Variants in IL10RB observed in about 807,000 individuals in gnomAD.
IL10RB encodes interleukin-10 receptor subunit beta.
In IL10RB, 30 loss-of-function variants were observed where a neutral mutation model predicts 38.7. That is an observed-to-expected ratio of 0.78 (90% CI 0.58 to 1.05). The LOEUF (loss-of-function observed/expected upper bound fraction) is 1.05. Among genes scored for constraint, IL10RB ranks in the 50% least tolerant of loss-of-function variants. IL10RB has a pLI of 0.00. For missense variants in IL10RB, 328 were observed against 397.1 expected, an observed-to-expected ratio of 0.83 and a Z score of 1.48; for synonymous variants, 142 against 145.9, an observed-to-expected ratio of 0.97 and a Z score of 0.19.
At chr21:33,284,630 G>A (rs1568908356) in intron 5 of IL10RB, among the ~76,000 whole-genome samples, 1 of 152,166 alleles carries the variant, frequency 6.6e-6, no homozygotes, top group Non-Finnish European at 1.5e-5. Context: ...GGTGGGAGGT[G>A]ACGGGATCAT....
At position 33,296,515 on chromosome 21, in the gene IL10RB, A is replaced by ATTT; in HGVS notation, c.*160_*162dup. ...CTGGACTTAGCCACCAGAGAGCTAC[A>ATTT]TTTTAAAGGCTGTCTTGGCAAAAAT... On this transcript the variant is annotated 3_prime_UTR_variant, in exon 7 of 7. Transcript: ENST00000290200. 1 of 755,534 alleles carries ATTT rather than the reference A, an allele frequency of 1.3e-6. No individual in the cohort carries two copies. Among genetic ancestry groups the ATTT allele is most frequent in the East Asian group, 2.7e-5 (1 of 37,450 alleles). The allele number at this position is 755,534 out of a possible 1,614,324, so 46.8% of individuals were successfully genotyped here.
chr21:33,300,003 C>T (rs1018700859), downstream of IL10RB, among the ~76,000 whole-genome samples: 1 of 152,178 alleles, frequency 6.6e-6, no homozygotes, highest in South Asian at 2.1e-4. Context: ...AGGAATGCAT[C>T]CTTCCCATGC....
chr21:33,300,351 G>T (rs1468080807), downstream of IL10RB, among the ~76,000 whole-genome samples: 1 of 151,252 alleles, frequency 6.6e-6, no homozygotes, highest in Non-Finnish European at 1.5e-5. Context: ...TGAGGCAGAA[G>T]AATTGTTTGA....
intron 1 of IL10RB, among the ~76,000 whole-genome samples, chr21:33,307,813 G>T (rs377078649): frequency 6.6e-6 from 1 of 151,896 alleles, no homozygotes; most frequent in East Asian, 1.9e-4. Flanking sequence ...ATAATATTTC[G>T]ATTCAATTCA....
chr21:33,291,065 C>T (rs1374526751), intron 6 of IL10RB, among the ~76,000 whole-genome samples: 1 of 152,138 alleles, frequency 6.6e-6, no homozygotes, highest in Non-Finnish European at 1.5e-5. Flanking sequence ...AGGCATCACC[C>T]AGTCTCTGCC....
intron 1 of IL10RB, among the ~76,000 whole-genome samples, chr21:33,267,462 TTTTC>T (rs752783125): frequency 9.2e-5 from 14 of 151,848 alleles, no homozygotes; most frequent in African/African-American, 1.4e-4. Flanking sequence ...TCAAATTTTC[TTTTC>T]TTTCTTTCTT....
chr21:33,296,341 A>C lies in IL10RB; in HGVS notation c.962A>C (p.Gln321Pro). The stretch of plus-strand genomic sequence containing the variant: ...TGCAGCCTCGGGACCCCGCCTGGGC[A>C]GGGGCCCCAAAGCTAGGCTCTGAGA... The part of the protein sequence containing the change: ...DSCSLGTPPG[Q>P]GPQS The change falls in exon 7 of 7, where the codon CAG becomes CCG. Residue 321 changes from glutamine to proline, a missense_variant. By Grantham distance (76) the Gln-to-Pro change is moderately conservative (BLOSUM62 -1). Coordinates refer to ENST00000290200, the MANE Select transcript of IL10RB (RefSeq NM_000628.5). 6.2e-7 allele frequency: 1 copy of C among 1,612,124 alleles called. No homozygotes were observed. Among genetic ancestry groups the C allele is most frequent in the Non-Finnish European group, 8.5e-7 (1 of 1,178,534 alleles).
chr21:33,285,714 T>G (rs1010643468), intron 5 of IL10RB, among the ~76,000 whole-genome samples: 1 of 152,192 alleles, frequency 6.6e-6, no homozygotes, highest in Non-Finnish European at 1.5e-5. Context: ...GATCCCTGTT[T>G]GAATGAGTCT....
Position 33,290,699 on chromosome 21 carries a change from G to A in IL10RB, c.804+2438G>A, listed in dbSNP as rs1055633446. On this transcript the variant is annotated intron_variant, in intron 6 of 6. Coordinates refer to ENST00000290200, the MANE Select transcript of IL10RB (RefSeq NM_000628.5). ...CACCAGGTGTCATCTCCAAGCTGGC[G>A]CCTCCCCTGCACTTTCAACAGGCCG... 7.2e-5 allele frequency among the ~76,000 whole-genome samples: 11 copies of A among 152,214 alleles called. No individual in the cohort carries two copies. In the South Asian group the frequency reaches 1.7e-3, roughly 23 times the overall value.
At chr21:33,280,141 C>A (rs939620957) in intron 4 of IL10RB, among the ~76,000 whole-genome samples, 2 of 152,172 alleles carry the variant, frequency 1.3e-5, no homozygotes, top group Admixed American at 1.3e-4. Context: ...CTTTCCCTCC[C>A]TGAAGGGCAG....
intron 1 of IL10RB, among the ~76,000 whole-genome samples, chr21:33,305,884 T>C (rs1045146762): frequency 3.3e-5 from 5 of 152,050 alleles, no homozygotes; most frequent in Non-Finnish European, 7.4e-5. Context: ...CAGGCTGGAG[T>C]GCAGTGGCAC....
rs530774025 is a variant in IL10RB at position 33,295,541 on chromosome 21, G to A, written c.805-643G>A. The stretch of plus-strand genomic sequence containing the variant: ...ACAAAAATTAGCCAGGCATGGTGGC[G>A]GGCACCTGTAGTCCCAGCTACTCAG... On this transcript the variant is annotated intron_variant, in intron 6 of 6. Transcript: ENST00000290200. Among the ~76,000 whole-genome samples the A allele has an allele frequency of 1.6e-4, 24 of 149,572 alleles. No individual in the cohort carries two copies. In the East Asian group the frequency reaches 4.8e-3, roughly 30 times the overall value.
chr21:33,273,127 C>T (rs550349434), intron 2 of IL10RB, among the ~76,000 whole-genome samples: 62 of 152,254 alleles, frequency 4.1e-4, no homozygotes, highest in African/African-American at 1.5e-3. Flanking sequence ...ATGGTGTAGC[C>T]TCGTATACAC....
chr21:33,304,894 G>GATT (rs908204401), intron 1 of IL10RB, among the ~76,000 whole-genome samples: 3 of 152,152 alleles, frequency 2.0e-5, no homozygotes, highest in African/African-American at 7.2e-5. Flanking sequence ...GTACTATCAA[G>GATT]ATAAGACATT....
chr21:33,296,676 C>A lies in IL10RB; in HGVS notation c.*319C>A. 2.3e-6 allele frequency: 1 copy of A among 442,212 alleles called. No homozygotes were observed. Among genetic ancestry groups the A allele is most frequent in the Non-Finnish European group, 4.4e-6 (1 of 225,872 alleles). 27.4% of individuals were successfully genotyped at this position (442,212 alleles called of 1,614,324 possible). On this transcript the variant is annotated 3_prime_UTR_variant, in exon 7 of 7. Transcript: ENST00000290200. ...TAATTGTGAGAAACAGGGCCGAGCACAGTGGCTCACGCCTGTAATACCAGC... is the reference window on the plus strand; with the variant it reads ...TAATTGTGAGAAACAGGGCCGAGCAAAGTGGCTCACGCCTGTAATACCAGC...
chr21:33,299,053 C>T (rs1448996671), downstream of IL10RB, among the ~76,000 whole-genome samples: 1 of 152,182 alleles, frequency 6.6e-6, no homozygotes, highest in African/African-American at 2.4e-5. Flanking sequence ...TCAAACACTG[C>T]CTCTTCAAGC....
chr21:33,285,501 A>G (rs2855250), intron 5 of IL10RB, among the ~76,000 whole-genome samples: 56,341 of 151,714 alleles, frequency 0.37, 11,190 homozygotes, highest in Non-Finnish European at 0.45. Context: ...TTCACAACCT[A>G]TGCAGAGCAG....
In IL10RB at chr21:33,283,202, G is replaced by T. The variant is rs752810741; in HGVS notation, c.607G>T (p.Glu203Ter). 8 of 1,614,114 alleles carry T rather than the reference G, an allele frequency of 5.0e-6. No homozygotes were observed. The highest frequency in any genetic ancestry group is 6.8e-6 in the Non-Finnish European group (8 of 1,180,028). Reference protein sequence around the residue: ...GFLPDRNKAGEWSEPVCEQTT... With the variant: ...GFLPDRNKAG ...TCTTCCTGATCGGAACAAAGCTGGG[G>T]AATGGAGTGAGCCTGTCTGTGAGCA... The change falls in exon 5 of 7, where the codon GAA becomes TAA. Residue 203 changes from glutamate (E) to a stop codon, truncating the protein, a stop_gained. Transcript: ENST00000290200. LOFTEE classifies it high-confidence loss of function.
Position 33,279,840 on chromosome 21 carries a change from C to T in IL10RB, c.420C>T (p.Tyr140=), listed in dbSNP as rs765588235. Reference sequence around the variant, plus strand: ...TAGCCCCTAAAATTGAGAATGAATACGAAACTTGGACTATGAAGAATGTGT... The same window carrying T: ...TAGCCCCTAAAATTGAGAATGAATATGAAACTTGGACTATGAAGAATGTGT... The part of the protein sequence containing the change: ...RFLAPKIENE[Y]ETWTMKNVYN... The change falls in exon 4 of 7, where the codon TAC becomes TAT. Residue 140 remains tyrosine (Y), a synonymous_variant. Transcript: ENST00000290200. 15 of 1,612,792 alleles carry T rather than the reference C, an allele frequency of 9.3e-6. No homozygotes were observed. The highest frequency in any genetic ancestry group is 6.6e-5 in the South Asian group (6 of 91,064).
Sources: gnomAD v4.1 joint callset for allele counts (sites outside exome capture counted in the v4.1 genomes callset) on GRCh38, gnomAD v4.1.1 for gene constraint, MANE v1.5 for transcripts, NCBI Gene and HGNC (gene_info 2026-07-23, HGNC 2026-07-21) for gene names.